Variants in PARP15 observed in about 807,000 individuals in gnomAD.
PARP15 encodes poly(ADP-ribose) polymerase family member 15, also known as protein mono-ADP-ribosyltransferase PARP15.
In PARP15, 50 loss-of-function variants were observed where a neutral mutation model predicts 62.1. The ratio of observed to expected loss-of-function variants is 0.81; its 90% CI spans 0.64 to 1.02. The LOEUF (loss-of-function observed/expected upper bound fraction) is 1.02. PARP15 is among the 50% of genes least tolerant of loss of function. The pLI, the probability that PARP15 is intolerant of heterozygous loss-of-function variation, is 0.00. For missense variants in PARP15, 820 were observed against 826.5 expected (o/e 0.99, Z 0.10); for synonymous variants, 309 against 293.1 (o/e 1.05, Z -0.55).
At chr3:122,629,244 C>G (rs1201346697) in intron 9 of PARP15, among the ~76,000 whole-genome samples, 1 of 152,178 alleles carries the variant, frequency 6.6e-6, no homozygotes, top group African/African-American at 2.4e-5. Context: ...CTCACTGCAA[C>G]CGCTGCCTCC....
chr3:122,614,823 G>A (rs1225359385), intron 4 of PARP15, among the ~76,000 whole-genome samples: 1 of 152,064 alleles, frequency 6.6e-6, no homozygotes, highest in Non-Finnish European at 1.5e-5. Context: ...GAGTCCAGGA[G>A]TTCAAAACCA....
intron 1 of PARP15, among the ~76,000 whole-genome samples, chr3:122,580,652 C>T (rs1023826632): frequency 3.3e-5 from 5 of 152,070 alleles, no homozygotes; most frequent in South Asian, 2.1e-4. Flanking sequence ...TAATGTCTTC[C>T]GGGTTCATCC....
rs776159416 is a variant in PARP15 at position 122,626,836 on chromosome 3, G to GA, written c.1247dup (p.Asn416LysfsTer7). 24 of 1,605,314 alleles carry GA rather than the reference G, an allele frequency of 1.5e-5. No homozygotes were observed. The East Asian group carries it at 4.0e-4, about 27-fold the overall frequency. ...TAAATTTTTTTTTCAGGAAATGCCG[G>GA]AAAAAACCCTATCACAGTTGCTGAT... On this transcript the variant is annotated frameshift_variant, in exon 9 of 12. Transcript: ENST00000464300. LOFTEE classifies it high-confidence loss of function.
At chr3:122,626,090 G>C (rs189433397) in intron 8 of PARP15, among the ~76,000 whole-genome samples, 1 of 152,188 alleles carries the variant, frequency 6.6e-6, no homozygotes, top group Non-Finnish European at 1.5e-5. Context: ...CTCTGGATCA[G>C]AGACTTTTAG....
rs748166367 is a variant in PARP15 at position 122,621,489 on chromosome 3, T to G, written c.1109T>G (p.Leu370Ter). 6.2e-7 allele frequency: 1 copy of G among 1,613,918 alleles called. No homozygotes were observed. Among genetic ancestry groups the G allele is most frequent in the East Asian group, 2.2e-5 (1 of 44,882 alleles). ...TTTATAATTACACCAGGTGGATGCT[T>G]AAAGTGCAAAATAATAATTCATGTT... Reference protein sequence around the residue: ...RDFIITPGGCLKCKIIIHVPG... With the variant: ...RDFIITPGGC The change falls in exon 8 of 12, where the codon TTA becomes TGA. Residue 370 changes from leucine to a stop codon, truncating the protein, a stop_gained. Coordinates refer to ENST00000464300, the MANE Select transcript of PARP15 (RefSeq NM_001113523.3). LOFTEE classifies it high-confidence loss of function.
chr3:122,625,534 G>A (rs772434782), intron 8 of PARP15, among the ~76,000 whole-genome samples: 53 of 152,164 alleles, frequency 3.5e-4, no homozygotes, highest in Admixed American at 7.9e-4. Flanking sequence ...GATTACAGGC[G>A]TGAGCACCTA....
At chr3:122,619,627 GGAGGTT>G (rs1408119290) in intron 6 of PARP15, among the ~76,000 whole-genome samples, 148 bp from the exon 7 acceptor site, 3 of 152,160 alleles carry the variant, frequency 2.0e-5, no homozygotes, top group African/African-American at 7.2e-5. Context: ...GCCACTGGGT[GGAGGTT>G]GCTATAGAAA....
rs913659134 is a variant in PARP15 at position 122,577,810 on chromosome 3, G to C, written c.143G>C (p.Arg48Pro). ...GGGAGCGTGCTGCCGGCCGGGAACC[G>C]TGGGGCGCGGAAGGCCTCCCGGCGC... Reference protein sequence around the residue: ...EAGSVLPAGNRGARKASRRSS... With the variant: ...EAGSVLPAGNPGARKASRRSS... The change falls in exon 1 of 12, where the codon CGT becomes CCT. Residue 48 changes from arginine (R) to proline (P), a missense_variant. Around this residue, in one of 3 missense-constraint regions of PARP15, gnomAD observed 731 missense variants for 727.7 expected, o/e 1.00. Transcript: ENST00000464300. 4.0e-5 allele frequency: 62 copies of C among 1,550,672 alleles called. No homozygotes were observed. The highest frequency in any genetic ancestry group is 5.1e-5 in the Non-Finnish European group (59 of 1,146,540).
At chr3:122,610,779 T>A in intron 3 of PARP15, 49 bp downstream of exon 3, 1 of 1,438,488 alleles carries the variant, frequency 7.0e-7, no homozygotes, top group African/African-American at 1.4e-5. Flanking sequence ...TTTGGGAATC[T>A]CCTTCTGGTG....
At chr3:122,616,699 C>CT (rs1185817043) in intron 5 of PARP15, among the ~76,000 whole-genome samples, 6 of 152,090 alleles carry the variant, frequency 3.9e-5, no homozygotes, top group African/African-American at 1.4e-4. Context: ...TTCACACTCC[C>CT]TTTTTTTTCT....
At chr3:122,612,384 A>G (rs114583214) in intron 3 of PARP15, among the ~76,000 whole-genome samples, 5,603 of 145,716 alleles carry the variant, frequency 0.038, 354 homozygotes, top group African/African-American at 0.13. Context: ...TTTTTTTTTG[A>G]ACCAATATTC....
chr3:122,616,365 T>C (rs1489113292), intron 5 of PARP15, among the ~76,000 whole-genome samples: 1 of 148,394 alleles, frequency 6.7e-6, no homozygotes, highest in Non-Finnish European at 1.5e-5. Context: ...AGTCTTGCTC[T>C]GTCACCCAGG....
intron 1 of PARP15, 43 bp downstream of exon 1, chr3:122,577,896 C>T (rs927377491): frequency 1.3e-6 from 2 of 1,488,556 alleles, no homozygotes; most frequent in East Asian, 2.5e-5. Context: ...GACAGCAGGG[C>T]TGAGCCTGGG....
At chr3:122,605,392 G>T (rs1325340344) in intron 1 of PARP15, among the ~76,000 whole-genome samples, 1 of 152,046 alleles carries the variant, frequency 6.6e-6, no homozygotes, top group Non-Finnish European at 1.5e-5. Flanking sequence ...GGATTCTTGG[G>T]GGGAATAAGT....
At position 122,580,774 on chromosome 3, in the gene PARP15, T is replaced by C. The variant is rs998741249; in HGVS notation, c.186+2921T>C. Among the ~76,000 whole-genome samples the C allele has an allele frequency of 9.2e-5, 14 of 152,366 alleles. No individual in the cohort carries two copies. In the East Asian group the frequency reaches 2.7e-3, roughly 29 times the overall value. ...TCACCAACTGATGGATTTGGGTTGC[T>C]TCCACCTTTTGGCTATTGTGACTAA... On this transcript the variant is annotated intron_variant, in intron 1 of 11. Transcript: ENST00000464300.
intron 1 of PARP15, among the ~76,000 whole-genome samples, chr3:122,585,929 A>G (rs1046871088): frequency 1.3e-5 from 2 of 152,198 alleles, no homozygotes; most frequent in East Asian, 3.9e-4. Flanking sequence ...TTAGTATTTT[A>G]TGCGAATCCC....
At chr3:122,631,344 A>T (rs972414615) in intron 9 of PARP15, among the ~76,000 whole-genome samples, 3 of 152,250 alleles carry the variant, frequency 2.0e-5, no homozygotes, top group African/African-American at 7.2e-5. Context: ...ACAGGAAGAC[A>T]GTGCCCTGGA....
chr3:122,615,733 A>AT, intron 4 of PARP15, 46 bp from the exon 5 acceptor site: 3 of 1,606,494 alleles, frequency 1.9e-6, no homozygotes, highest in Non-Finnish European at 8.5e-7. Flanking sequence ...TTGGATTAAT[A>AT]TTTTTACACA....
At chr3:122,632,266 CAT>C (rs781100081) in intron 10 of PARP15, 47 bp downstream of exon 10, 1 of 1,555,016 alleles carries the variant, frequency 6.4e-7, no homozygotes, top group Non-Finnish European at 8.8e-7. Flanking sequence ...GATGAACTAA[CAT>C]AAAAGCTATC....
Sources: allele counts gnomAD v4.1 joint callset (sites outside exome capture counted in the v4.1 genomes callset), GRCh38; gene constraint gnomAD v4.1.1; regional missense constraint gnomAD v4.1.1; transcripts MANE v1.5; gene names NCBI Gene and HGNC (gene_info 2026-07-23, HGNC 2026-07-21).